The following EDA variants were observed in gnomAD, a reference collection of about 807,000 sequenced individuals.
EDA encodes ectodysplasin-A.
Under a neutral mutation model 23.6 loss-of-function variants are expected in EDA, and 2 were observed. That is an observed-to-expected ratio of 0.08 (90% CI 0.03 to 0.27). The LOEUF (loss-of-function observed/expected upper bound fraction) is 0.27, where lower values mean the gene tolerates loss of function less well. Among genes scored for constraint, EDA ranks in the 10% least tolerant of loss-of-function variants. The pLI, the probability that EDA is intolerant of heterozygous loss-of-function variation, is 1.00. For missense variants in EDA, 229 were observed against 324.2 expected (o/e 0.71, Z 2.26); for synonymous variants, 131 against 132.0 (o/e 0.99, Z 0.05).
chrX:69,616,778 C>T, intron 1 of EDA, 74 bp downstream of exon 1: 1 of 1,177,708 alleles, frequency 8.5e-7, no homozygotes, highest in Non-Finnish European at 1.2e-6. Flanking sequence ...CCACAGGGGC[C>T]TGGGAGCACT....
chrX:69,665,254 C>T (rs777497666), intron 1 of EDA, among the ~76,000 whole-genome samples: 1 of 112,088 alleles, frequency 8.9e-6, no homozygotes, highest in Non-Finnish European at 1.9e-5. Context: ...TCTCCCAATA[C>T]ATAGACTGCC....
intron 1 of EDA, among the ~76,000 whole-genome samples, chrX:69,688,257 A>G (rs911561172): frequency 9.0e-6 from 1 of 111,641 alleles, no homozygotes; most frequent in Non-Finnish European, 1.9e-5. Context: ...AAGAAAAGAC[A>G]ATTAGTATGT....
chrX:69,776,602 AT>A (rs1309447437), intron 1 of EDA, among the ~76,000 whole-genome samples: 1 of 111,000 alleles, frequency 9.0e-6, no homozygotes, highest in Non-Finnish European at 1.9e-5. Flanking sequence ...GTATGTCTTT[AT>A]TAACAGCATG....
intron 1 of EDA, among the ~76,000 whole-genome samples, chrX:69,751,470 C>T (rs1438461296): frequency 8.9e-6 from 1 of 112,145 alleles, no homozygotes; most frequent in Non-Finnish European, 1.9e-5. Context: ...ATGCCTCCAG[C>T]TTTGTTCTTT....
At chrX:69,782,495 C>A (rs963813991) in intron 1 of EDA, among the ~76,000 whole-genome samples, 5 of 110,050 alleles carry the variant, frequency 4.5e-5, no homozygotes, top group Non-Finnish European at 7.6e-5. Context: ...AAATGTGTGT[C>A]TTAGCAACTG....
At position 69,616,163 on chromosome X, in the gene EDA, C is replaced by T; in HGVS notation, c.-146C>T. ...CTGCACATGCGGCTGCTCCCTGCTC[C>T]GTCCCGCCCAGCCACTGTCGCGCAG... On this transcript the variant is annotated 5_prime_UTR_variant, in exon 1 of 8. Transcript: ENST00000374552. The T allele has an allele frequency of 1.5e-6, 1 of 654,246 alleles. No homozygotes were observed. The highest frequency in any genetic ancestry group is 3.5e-5 in the East Asian group (1 of 28,238). The allele number at this position is 654,246 out of a possible 1,213,427, so 53.9% of individuals were successfully genotyped here.
intron 1 of EDA, among the ~76,000 whole-genome samples, chrX:69,706,195 G>T (rs1410007651): frequency 1.8e-5 from 2 of 111,581 alleles, no homozygotes; most frequent in Non-Finnish European, 3.8e-5. Context: ...AGTTCAGAGT[G>T]GTTCCCATTA....
At chrX:69,955,369 G>A (rs1409344619) in intron 1 of EDA, among the ~76,000 whole-genome samples, 1 of 111,589 alleles carries the variant, frequency 9.0e-6, no homozygotes, top group Non-Finnish European at 1.9e-5. Flanking sequence ...TTGACAAGAT[G>A]GAAATTACCT....
intron 1 of EDA, among the ~76,000 whole-genome samples, chrX:69,927,023 C>G (rs944734689): frequency 1.8e-5 from 2 of 111,308 alleles, no homozygotes; most frequent in African/African-American, 6.5e-5. Context: ...TCCTCCATCC[C>G]TTTGTTTTGA....
At chrX:69,894,952 G>A (rs2017989081) in intron 1 of EDA, among the ~76,000 whole-genome samples, 1 of 111,400 alleles carries the variant, frequency 9.0e-6, no homozygotes. Context: ...TGTTGAATAG[G>A]AGTGGAGAGA....
Position 69,857,075 on chromosome X carries a change from C to G in EDA, c.397-99952C>G, listed in dbSNP as rs772293622. Among the ~76,000 whole-genome samples, 7 of 111,857 alleles carry G rather than the reference C, an allele frequency of 6.3e-5. No homozygotes were observed. The East Asian group carries it at 2.0e-3, about 31-fold the overall frequency. ...GAGGTGGGAGACGAGGATCCAATTT[C>G]ATTTTCCAACATGTGGCTTGCCAAT... On this transcript the variant is annotated intron_variant, in intron 1 of 7. Coordinates refer to ENST00000374552, the MANE Select transcript of EDA (RefSeq NM_001399.5).
chrX:69,810,274 A>C (rs1602431104), intron 1 of EDA, among the ~76,000 whole-genome samples: 1 of 28,359 alleles, frequency 3.5e-5, no homozygotes. Flanking sequence ...AAAAAAAAAA[A>C]AAAAAAAAAA....
At chrX:69,980,715 C>A (rs1374370233) in intron 2 of EDA, among the ~76,000 whole-genome samples, 1 of 112,194 alleles carries the variant, frequency 8.9e-6, no homozygotes, top group Admixed American at 9.5e-5. Context: ...CTACTATGTT[C>A]CAGGCACTAT....
intron 1 of EDA, among the ~76,000 whole-genome samples, chrX:69,724,939 T>G (rs2147348740): frequency 8.9e-6 from 1 of 112,468 alleles, no homozygotes; most frequent in South Asian, 3.7e-4. Flanking sequence ...GTTTCAATTC[T>G]TGGCCACATA....
At chrX:69,665,963 A>G (rs1301226708) in intron 1 of EDA, among the ~76,000 whole-genome samples, 1 of 111,306 alleles carries the variant, frequency 9.0e-6, no homozygotes. Flanking sequence ...ATATCTTTCC[A>G]TTTATTGGTA....
At chrX:69,721,606 A>G (rs1024722817) in intron 1 of EDA, among the ~76,000 whole-genome samples, 2 of 110,443 alleles carry the variant, frequency 1.8e-5, no homozygotes, top group Non-Finnish European at 3.8e-5. Flanking sequence ...GGCTCACCTG[A>G]TGTTGTCAGA....
At chrX:69,994,528 A>G (rs1027871220) in intron 2 of EDA, among the ~76,000 whole-genome samples, 2 of 112,111 alleles carry the variant, frequency 1.8e-5, no homozygotes, top group Non-Finnish European at 3.8e-5. Context: ...GATTTTATTA[A>G]TAGATCTGAG....
At chrX:69,789,269 G>T (rs186075208) in intron 1 of EDA, among the ~76,000 whole-genome samples, 2,186 of 112,106 alleles carry the variant, frequency 0.019, 70 homozygotes, top group African/African-American at 0.065. Context: ...CGCTCACACT[G>T]GGAGCTGTAG....
intron 2 of EDA, among the ~76,000 whole-genome samples, chrX:69,992,613 T>C (rs1486343461): frequency 8.9e-6 from 1 of 112,265 alleles, no homozygotes; most frequent in Non-Finnish European, 1.9e-5. Context: ...AATGTTCTCA[T>C]ACATGTCTCC....
Sources: allele counts gnomAD v4.1 joint callset (sites outside exome capture counted in the v4.1 genomes callset), GRCh38; gene constraint gnomAD v4.1.1; transcripts MANE v1.5; gene names NCBI Gene and HGNC (gene_info 2026-07-23, HGNC 2026-07-21).